CCDC171: variants seen among roughly 807,000 people sequenced by gnomAD.
The protein encoded by CCDC171 is coiled-coil domain-containing protein 171.
Under a neutral mutation model 168.2 loss-of-function variants are expected in CCDC171, and 177 were observed. The observed-to-expected ratio is 1.05, with a 90% CI of 0.93 to 1.19. The LOEUF is 1.19. Ranked by LOEUF, CCDC171 falls within the 50% of genes most tolerant of loss-of-function variation. The pLI is 0.00. For missense variants in CCDC171, 1,991 were observed against 1,539.0 expected (o/e 1.29, Z -4.91); for synonymous variants, 687 against 540.8 (o/e 1.27, Z -3.75).
At chr9:16,090,845 T>C in the CCDC171 span, among the ~76,000 whole-genome samples, 1 of 152,248 alleles carries the variant, frequency 6.6e-6, no homozygotes. Flanking sequence ...AGCGAATTAA[T>C]ACAATGAAGA....
chr9:15,889,503 A>G lies in CCDC171; in HGVS notation c.3600+14840A>G, dbSNP rs549615921. ...GCATCTTGTTTTGAGTCATAAAGGA[A>G]TTGTGTAGTATTTTATGCCACTTGA... On this transcript the variant is annotated intron_variant, in intron 24 of 25. Coordinates refer to ENST00000380701, the MANE Select transcript of CCDC171 (RefSeq NM_173550.4). 1.8e-4 allele frequency among the ~76,000 whole-genome samples: 27 copies of G among 152,218 alleles called. No individual in the cohort carries two copies. The South Asian group carries it at 5.0e-3, about 28-fold the overall frequency.
chr9:15,636,853 T>G (rs1564106547), intron 7 of CCDC171, among the ~76,000 whole-genome samples: 2 of 151,320 alleles, frequency 1.3e-5, no homozygotes. Flanking sequence ...GAAAACTCTA[T>G]CATCACTAAA....
At chr9:15,608,972 A>AAAAAAAGG (rs2043439483) in intron 6 of CCDC171, among the ~76,000 whole-genome samples, 4 of 146,350 alleles carry the variant, frequency 2.7e-5, no homozygotes, top group African/African-American at 7.5e-5. Flanking sequence ...AAAAAAAAAA[A>AAAAAAAGG]GAGTGGTTTT....
intron 3 of CCDC171, among the ~76,000 whole-genome samples, chr9:16,008,616 G>A (rs376794667): frequency 3.3e-5 from 5 of 152,128 alleles, no homozygotes; most frequent in African/African-American, 9.7e-5. Context: ...CTGGTCCCCT[G>A]TTCTTGCCAT....
At chr9:15,953,969 C>T (rs1047148783) in intron 25 of CCDC171, among the ~76,000 whole-genome samples, 1 of 151,928 alleles carries the variant, frequency 6.6e-6, no homozygotes, top group African/African-American at 2.4e-5. Context: ...TACAATTGTT[C>T]ATAGTACTCT....
downstream of CCDC171, among the ~76,000 whole-genome samples, chr9:16,064,114 C>T (rs1242735869): frequency 6.6e-6 from 1 of 152,176 alleles, no homozygotes; most frequent in Admixed American, 6.5e-5. Context: ...AAAATTAGGC[C>T]ACCTCCAACC....
chr9:15,564,463 C>G (rs1242747917), intron 2 of CCDC171, among the ~76,000 whole-genome samples: 1 of 152,210 alleles, frequency 6.6e-6, no homozygotes, highest in Non-Finnish European at 1.5e-5. Flanking sequence ...TTTTCTTTAA[C>G]CTCTGTGGCT....
chr9:15,912,247 C>A (rs1267731180), intron 24 of CCDC171, among the ~76,000 whole-genome samples: 1 of 152,102 alleles, frequency 6.6e-6, no homozygotes, highest in African/African-American at 2.4e-5. Context: ...TGTAGTTCTC[C>A]TTGAAGAGGT....
At chr9:15,617,679 G>T (rs6474931) in intron 6 of CCDC171, among the ~76,000 whole-genome samples, 69,341 of 151,238 alleles carry the variant, frequency 0.46, 16,436 homozygotes, top group East Asian at 0.75. Context: ...CCCGGCCTGT[G>T]GGGGGGGTTC....
intron 25 of CCDC171, among the ~76,000 whole-genome samples, chr9:15,958,225 C>G (rs891930864): frequency 1.3e-5 from 2 of 152,014 alleles, no homozygotes; most frequent in African/African-American, 2.4e-5. Context: ...CAGAAACAAG[C>G]AAACAAAATA....
intron 6 of CCDC171, among the ~76,000 whole-genome samples, chr9:15,607,525 G>A (rs988001906): frequency 6.6e-6 from 1 of 151,826 alleles, no homozygotes; most frequent in Non-Finnish European, 1.5e-5. Context: ...GCAGTGGCGC[G>A]ATCTTGGTTC....
chr9:15,809,736 C>G (rs560348703), intron 21 of CCDC171, among the ~76,000 whole-genome samples: 1 of 152,190 alleles, frequency 6.6e-6, no homozygotes, highest in South Asian at 2.1e-4. Flanking sequence ...CAGTGCGGAC[C>G]CAAAGAGTGA....
the CCDC171 span, among the ~76,000 whole-genome samples, chr9:16,070,230 AT>A: frequency 6.6e-6 from 1 of 152,156 alleles, no homozygotes; most frequent in African/African-American, 2.4e-5. Flanking sequence ...CCGTGGTTAA[AT>A]CCCAGCCTAA....
chr9:15,676,383 G>T (rs540270393), intron 9 of CCDC171, among the ~76,000 whole-genome samples: 98 of 151,994 alleles, frequency 6.4e-4, no homozygotes, highest in Middle Eastern at 3.4e-3. Context: ...CTGTCAACTC[G>T]TCAAACTCAT....
At chr9:15,938,606 G>A (rs899614815) in intron 25 of CCDC171, among the ~76,000 whole-genome samples, 5 of 151,874 alleles carry the variant, frequency 3.3e-5, no homozygotes, top group Non-Finnish European at 2.9e-5. Flanking sequence ...AGACTGGTTT[G>A]AAGTTTGGAT....
At chr9:15,966,861 A>G (rs1306279377) in intron 25 of CCDC171, among the ~76,000 whole-genome samples, 2 of 151,664 alleles carry the variant, frequency 1.3e-5, no homozygotes, top group Non-Finnish European at 2.9e-5. Context: ...TGAGAAATAA[A>G]TATTGGATGG....
chr9:15,986,319 A>C (rs1170144384), intron 3 of CCDC171, among the ~76,000 whole-genome samples: 1 of 152,220 alleles, frequency 6.6e-6, no homozygotes, highest in Non-Finnish European at 1.5e-5. Context: ...TCCTGAATTG[A>C]TTCTTCATTG....
intron 6 of CCDC171, among the ~76,000 whole-genome samples, chr9:15,597,858 C>T (rs2042498565): frequency 6.6e-6 from 1 of 152,116 alleles, no homozygotes; most frequent in Non-Finnish European, 1.5e-5. Flanking sequence ...TCAACTTCTT[C>T]CTGGTTTAGT....
At chr9:15,834,795 A>G (rs16933677) in intron 21 of CCDC171, among the ~76,000 whole-genome samples, 2,495 of 152,346 alleles carry the variant, frequency 0.016, 80 homozygotes, top group African/African-American at 0.057. Context: ...CTCTACAAGG[A>G]TTATTGTTAA....
Sources: allele counts gnomAD v4.1 joint callset (sites outside exome capture counted in the v4.1 genomes callset), GRCh38; gene constraint gnomAD v4.1.1; transcripts MANE v1.5; gene names NCBI Gene and HGNC (gene_info 2026-07-23, HGNC 2026-07-21).